CSE1L: variants seen among roughly 807,000 people sequenced by gnomAD.
CSE1L encodes chromosome segregation 1 like.
CSE1L carries 24 observed loss-of-function variants against 120.4 expected under a neutral mutation model. The ratio of observed to expected loss-of-function variants is 0.20; its 90% CI spans 0.14 to 0.28. CSE1L has a LOEUF of 0.28. Among genes scored for constraint, CSE1L ranks in the 10% least tolerant of loss-of-function variants. The pLI is 1.00. For missense variants in CSE1L, 830 were observed against 1,145.2 expected (o/e 0.72, Z 3.97); for synonymous variants, 402 against 398.3 (o/e 1.01, Z -0.11).
intron 10 of CSE1L, 126 bp downstream of exon 10, chr20:49,072,823 C>T (rs1402454137): frequency 9.9e-7 from 1 of 1,005,186 alleles, no homozygotes; most frequent in East Asian, 2.8e-5. Flanking sequence ...ATTTTCTAAA[C>T]CAAGACAGAA....
In CSE1L at chr20:49,090,788, A is replaced by G. The variant is rs2092095231; in HGVS notation, c.2228A>G (p.Asn743Ser). Residue 743 changes from asparagine (N) to serine (S), a missense_variant, in exon 20 of 25, where the codon AAT (asparagine) becomes AGT (serine). By Grantham distance (46) the Asn-to-Ser change is conservative. This residue lies in a region of CSE1L where 168 missense variants were observed against 267.9 expected (regional missense o/e 0.63). Coordinates refer to ENST00000262982, the MANE Select transcript of CSE1L (RefSeq NM_001316.4). ...CAGAAGCTGATTGCATCCAAAGCAA[A>G]TGACCACCAAGGTTTTTATCTTCTA... ...VFQKLIASKA[N>S]DHQGFYLLNS... The G allele has an allele frequency of 1.2e-6, 2 of 1,614,056 alleles. No homozygotes were observed. The highest frequency in any genetic ancestry group is 1.7e-6 in the Non-Finnish European group (2 of 1,179,966).
chr20:49,061,750 G>A (rs572733491), intron 2 of CSE1L, among the ~76,000 whole-genome samples: 4 of 151,784 alleles, frequency 2.6e-5, no homozygotes, highest in African/African-American at 4.8e-5. Context: ...TGATCCACTC[G>A]TCTCGGCCTC....
At chr20:49,078,537 G>A in intron 13 of CSE1L, 24 bp from the exon 14 acceptor site, 2 of 1,518,632 alleles carry the variant, frequency 1.3e-6, no homozygotes, top group Non-Finnish European at 1.8e-6. Context: ...TTAAGTAACT[G>A]TGGCTTTCTG....
chr20:49,055,433 G>A (rs1423916858), intron 1 of CSE1L, among the ~76,000 whole-genome samples: 1 of 152,142 alleles, frequency 6.6e-6, no homozygotes, highest in East Asian at 1.9e-4. Flanking sequence ...AAAAATAAAT[G>A]GGTCCCGGTA....
chr20:49,074,054 T>G (rs3092411), intron 10 of CSE1L, among the ~76,000 whole-genome samples: 92,376 of 151,336 alleles, frequency 0.61, 28,275 homozygotes, highest in East Asian at 0.66. Context: ...ATCTCTACAA[T>G]AAATAAATTA....
chr20:49,071,798 T>A (rs1216565719), intron 8 of CSE1L, among the ~76,000 whole-genome samples: 1 of 144,218 alleles, frequency 6.9e-6, no homozygotes, highest in Non-Finnish European at 1.5e-5. Context: ...CCGTCTCTAC[T>A]AAAAAAAAAA....
intron 2 of CSE1L, among the ~76,000 whole-genome samples, chr20:49,061,461 C>T (rs1017646836): frequency 1.3e-4 from 20 of 149,580 alleles, no homozygotes; most frequent in Non-Finnish European, 1.8e-4. Context: ...CATGAGCCAC[C>T]GTGCCCGGTG....
At chr20:49,052,889 G>T (rs2091778788) in intron 1 of CSE1L, among the ~76,000 whole-genome samples, 1 of 152,210 alleles carries the variant, frequency 6.6e-6, no homozygotes, top group Non-Finnish European at 1.5e-5. Context: ...ACCTGGCCAG[G>T]AGTTTGGGTG....
intron 3 of CSE1L, among the ~76,000 whole-genome samples, chr20:49,063,999 G>A (rs976112023): frequency 6.6e-6 from 1 of 152,080 alleles, no homozygotes; most frequent in African/African-American, 2.4e-5. Context: ...CCTTAGCTTA[G>A]GACAGTGATT....
At chr20:49,090,225 G>A (rs936488101) in intron 19 of CSE1L, among the ~76,000 whole-genome samples, 11 of 152,136 alleles carry the variant, frequency 7.2e-5, no homozygotes, top group Admixed American at 5.9e-4. Flanking sequence ...TATCCATGAT[G>A]GAAAATTTTA....
In CSE1L at chr20:49,070,973, AAGAG is replaced by A. The variant is rs539240727; in HGVS notation, c.768+680_768+683del. Among the ~76,000 whole-genome samples the A allele has an allele frequency of 1.4e-4, 22 of 152,258 alleles. No individual in the cohort carries two copies. In the East Asian group the frequency reaches 3.9e-3, roughly 27 times the overall value. On this transcript the variant is annotated intron_variant, in intron 8 of 24. Transcript: ENST00000262982. ...AGAAAAAATTATCCACAGCTCGAGA[AAGAG>A]AGAAAATGGTAAAAGATTGTAATTT... is the stretch of plus-strand genomic sequence containing the variant.
In CSE1L at chr20:49,052,613, TTGG is replaced by T. The variant is rs1225899101; in HGVS notation, c.-11-5817_-11-5815del. Among the ~76,000 whole-genome samples, 7 of 151,896 alleles carry T rather than the reference TTGG, an allele frequency of 4.6e-5. No individual in the cohort carries two copies. In the South Asian group the frequency reaches 8.3e-4, roughly 18 times the overall value. On this transcript the variant is annotated intron_variant, in intron 1 of 24. Transcript: ENST00000262982. Reference sequence around the variant, plus strand: ...CTTAGACCCTGCTGTGGTAAGGGATTTGGTGGTGGTGGTGGTGGTGGTGGTTGT... The same window carrying T: ...CTTAGACCCTGCTGTGGTAAGGGATTTGGTGGTGGTGGTGGTGGTGGTTGT...
At chr20:49,093,400 A>C (rs1182143511) in intron 22 of CSE1L, among the ~76,000 whole-genome samples, 1 of 152,144 alleles carries the variant, frequency 6.6e-6, no homozygotes, top group African/African-American at 2.4e-5. Context: ...GCATGTTTGC[A>C]ACAACATAGA....
intron 5 of CSE1L, 47 bp from the exon 6 acceptor site, chr20:49,067,143 A>T (rs766469870): frequency 1.6e-6 from 2 of 1,263,914 alleles, no homozygotes; most frequent in African/African-American, 3.0e-5. Context: ...TAAAGTGAGT[A>T]AATAAAAAAA....
intron 1 of CSE1L, among the ~76,000 whole-genome samples, chr20:49,046,930 A>G (rs1286610275): frequency 1.3e-5 from 2 of 152,164 alleles, no homozygotes; most frequent in East Asian, 3.9e-4. Context: ...CCCTAACTCT[A>G]GTGAAGCCCC....
At position 49,090,875 on chromosome 20, in the gene CSE1L, A is replaced by T. The variant is rs374039399; in HGVS notation, c.2279+36A>T. ...CTAGAACTTTGTGCATTTATTTAGA[A>T]ATTTTGTTAGGTGCTCAGAAAAGTC... On this transcript the variant is annotated intron_variant, in intron 20 of 24. Transcript: ENST00000262982. 667 of 1,603,838 alleles carry T rather than the reference A, an allele frequency of 4.2e-4. 1 individual carries two copies. Among genetic ancestry groups the T allele is most frequent in the Non-Finnish European group, 5.2e-4 (608 of 1,173,768 alleles).
intron 14 of CSE1L, among the ~76,000 whole-genome samples, chr20:49,083,120 G>A (rs6125536): frequency 0.38 from 57,781 of 151,616 alleles, 11,142 homozygotes; most frequent in Middle Eastern, 0.5. Flanking sequence ...CGCCTCCTGG[G>A]TTGAAGCCAT....
At position 49,091,664 on chromosome 20, in the gene CSE1L, G is replaced by A. The variant is rs145386343; in HGVS notation, c.2366-382G>A. Among the ~76,000 whole-genome samples, 19 of 152,264 alleles carry A rather than the reference G, an allele frequency of 1.2e-4. No individual in the cohort carries two copies. The East Asian group carries it at 2.7e-3, about 22-fold the overall frequency. On this transcript the variant is annotated intron_variant, in intron 21 of 24. Coordinates refer to ENST00000262982, the MANE Select transcript of CSE1L (RefSeq NM_001316.4). ...CTTGACCCTGGGAAGTTAAGGCTGC[G>A]TGAGCTGTGATCACGCTCCTGCACC...
chr20:49,073,715 G>T (rs1352070132), intron 10 of CSE1L, among the ~76,000 whole-genome samples: 2 of 151,980 alleles, frequency 1.3e-5, no homozygotes, highest in African/African-American at 4.8e-5. Context: ...CAAACTCCTA[G>T]CTTCAAACAA....
Sources: gnomAD v4.1 joint callset for allele counts (sites outside exome capture counted in the v4.1 genomes callset) on GRCh38, gnomAD v4.1.1 for gene constraint, gnomAD v4.1.1 regional missense constraint, MANE v1.5 for transcripts, NCBI Gene and HGNC (gene_info 2026-07-23, HGNC 2026-07-21) for gene names.